Variants in RPS6KA4 observed in about 807,000 individuals in gnomAD.
The protein encoded by RPS6KA4 is ribosomal protein S6 kinase alpha-4.
In RPS6KA4, 38 loss-of-function variants were observed where a neutral mutation model predicts 89.6. That is an observed-to-expected ratio of 0.42 (90% confidence interval 0.33 to 0.56). The LOEUF (loss-of-function observed/expected upper bound fraction) is 0.56. RPS6KA4 is among the 20% of genes least tolerant of loss of function. The pLI is 0.07. For missense variants in RPS6KA4, 873 were observed against 1,098.8 expected (o/e 0.79, Z 2.90); for synonymous variants, 495 against 492.8 (o/e 1.00, Z -0.06).
chr11:64,368,632 G>T (rs754724960), intron 11 of RPS6KA4, 31 bp downstream of exon 11: 1 of 1,583,338 alleles, frequency 6.3e-7, no homozygotes, highest in Admixed American at 1.8e-5. Context: ...GCAGGGGTGG[G>T]GGTGGCAGAG....
Position 64,361,949 on chromosome 11 carries a change from T to A in RPS6KA4, c.853T>A (p.Leu285Met). The change falls in exon 8 of 17, where the codon TTG (leucine) becomes ATG (methionine). Residue 285 changes from leucine to methionine, a missense_variant. Transcript: ENST00000334205. The surrounding 1 kb of genome is among the most constrained non-coding windows in gnomAD (Gnocchi z 4.7). ...GCTTTGTAAGGATCCTAAGAAGCGATTGGGCGCGGGGCCCCAGGGGGCACA... is the reference window on the plus strand; with the variant it reads ...GCTTTGTAAGGATCCTAAGAAGCGAATGGGCGCGGGGCCCCAGGGGGCACA... ...RLLCKDPKKR[L>M]GAGPQGAQEV... is the part of the protein sequence containing the mutation. 2.5e-6 allele frequency: 4 copies of A among 1,610,598 alleles called. No individual in the cohort carries two copies. Among genetic ancestry groups the A allele is most frequent in the Non-Finnish European group, 3.4e-6 (4 of 1,179,068 alleles).
At chr11:64,367,048 G>A (rs538870895) in intron 9 of RPS6KA4, among the ~76,000 whole-genome samples, 24 of 152,286 alleles carry the variant, frequency 1.6e-4, no homozygotes, top group African/African-American at 5.8e-4. Context: ...ATTCAAAAAT[G>A]TGTAGTGAGT....
At chr11:64,362,050 G>A in intron 8 of RPS6KA4, 48 bp downstream of exon 8, 2 of 1,563,344 alleles carry the variant, frequency 1.3e-6, no homozygotes, top group Non-Finnish European at 1.7e-6. Flanking sequence ...ACCCAGGTGG[G>A]GCTGCTGTTC....
intron 9 of RPS6KA4, 31 bp from the exon 10 acceptor site, chr11:64,368,101 C>G: frequency 6.2e-7 from 1 of 1,611,078 alleles, no homozygotes; most frequent in Admixed American, 1.7e-5. Context: ...CCCCCATGCC[C>G]ATGCCCATTC....
In RPS6KA4 at chr11:64,371,302, G is replaced by T; in HGVS notation, c.2141G>T (p.Arg714Leu). The T allele has an allele frequency of 6.2e-7, 1 of 1,612,780 alleles. No individual in the cohort carries two copies. The highest frequency in any genetic ancestry group is 8.5e-7 in the Non-Finnish European group (1 of 1,179,874). ...TGCCAGGCATTCAACCGGGGCAAGCGGGAGGGCTTCTTCCTGAAGAGCGTG... is the reference window on the plus strand; with the variant it reads ...TGCCAGGCATTCAACCGGGGCAAGCTGGAGGGCTTCTTCCTGAAGAGCGTG... Reference protein sequence around the residue: ...ATFMAFNRGKREGFFLKSVEN... With the variant: ...ATFMAFNRGKLEGFFLKSVEN... Residue 714 changes from arginine to leucine, a missense_variant, in exon 17 of 17, where the codon CGG (arginine) becomes CTG (leucine). By Grantham distance (102) the Arg-to-Leu change is moderately radical. This residue lies in a region of RPS6KA4 where 278 missense variants were observed against 284.8 expected (regional missense o/e 0.98). Coordinates refer to ENST00000334205, the MANE Select transcript of RPS6KA4 (RefSeq NM_003942.3).
At chr11:64,365,781 G>A (rs538546905) in intron 9 of RPS6KA4, among the ~76,000 whole-genome samples, 20 of 152,318 alleles carry the variant, frequency 1.3e-4, no homozygotes, top group African/African-American at 4.8e-4. Flanking sequence ...GCTCACACCT[G>A]TAATCCCAGC....
At chr11:64,368,671 G>A (rs368521849) in intron 11 of RPS6KA4, 33 bp from the exon 12 acceptor site, 243 of 1,572,908 alleles carry the variant, frequency 1.5e-4, no homozygotes, top group Non-Finnish European at 1.9e-4. Context: ...GCCGAAGCGC[G>A]GCGACCGTAA....
At position 64,368,155 on chromosome 11, in the gene RPS6KA4, C is replaced by T; in HGVS notation, c.1095C>T (p.Ser365=). 6.2e-7 allele frequency: 1 copy of T among 1,613,736 alleles called. No individual in the cohort carries two copies. Among genetic ancestry groups the T allele is most frequent in the Non-Finnish European group, 8.5e-7 (1 of 1,180,020 alleles). The change falls in exon 10 of 17, where the codon TCC becomes TCT. Residue 365 remains serine, a synonymous_variant. Transcript: ENST00000334205. ...IFQGYSFVAP[S]ILFDHNNAVM... Reference sequence around the variant, plus strand: ...AGGGATACTCCTTTGTGGCACCCTCCATTCTCTTTGACCACAACAACGCGG... The same window carrying T: ...AGGGATACTCCTTTGTGGCACCCTCTATTCTCTTTGACCACAACAACGCGG...
At position 64,369,857 on chromosome 11, in the gene RPS6KA4, C is replaced by G; in HGVS notation, c.1761C>G (p.Asp587Glu). The G allele has an allele frequency of 1.3e-6, 2 of 1,566,846 alleles. No individual in the cohort carries two copies. The highest frequency in any genetic ancestry group is 1.4e-5 in the African/African-American group (1 of 73,802). Residue 587 changes from aspartate to glutamate, a missense_variant, in exon 14 of 17, where the codon GAC becomes GAG. By Grantham distance (45) the Asp-to-Glu change is conservative (BLOSUM62 2). Around this residue, in one of 4 missense-constraint regions of RPS6KA4, gnomAD observed 278 missense variants for 284.8 expected, o/e 0.98. Transcript: ENST00000334205. ...AGCTGCTGGCGCAGCAGGGCTACGA[C>G]GAGTCCTGCGACCTCTGGAGCCTGG... is the stretch of plus-strand genomic sequence containing the variant. ...APELLAQQGY[D>E]ESCDLWSLGV...
rs202119100 is a variant in RPS6KA4 at position 64,362,020 on chromosome 11, C to A, written c.906+18C>A. 25 of 1,602,002 alleles carry A rather than the reference C, an allele frequency of 1.6e-5. No individual in the cohort carries two copies. In the East Asian group the frequency reaches 5.0e-4, roughly 32 times the overall value. The stretch of plus-strand genomic sequence containing the variant: ...TCTTCCAGGTGAGGCTGACTCAGGG[C>A]CCCATACCTCCTGGTGCATACCCAG... On this transcript the variant is annotated intron_variant, in intron 8 of 16. Coordinates refer to ENST00000334205, the MANE Select transcript of RPS6KA4 (RefSeq NM_003942.3).
Position 64,370,262 on chromosome 11 carries a change from C to T in RPS6KA4, c.1835C>T (p.Ala612Val). ...MLSGQVPFQG[A>V]SGQGGQSQAA... ...TCGGGGCAGGTCCCCTTCCAGGGGG[C>T]CTCTGGCCAGGGCGGGCAGAGCCAG... The change falls in exon 15 of 17, where the codon GCC becomes GTC. Residue 612 changes from alanine (A) to valine (V), a missense_variant. Coordinates refer to ENST00000334205, the MANE Select transcript of RPS6KA4 (RefSeq NM_003942.3). The surrounding 1 kb of genome is among the most constrained non-coding windows in gnomAD (Gnocchi z 4.1). The T allele has an allele frequency of 1.3e-6, 2 of 1,577,560 alleles. No homozygotes were observed. Among genetic ancestry groups the T allele is most frequent in the East Asian group, 2.2e-5 (1 of 44,476 alleles).
Position 64,371,637 on chromosome 11 carries a change from A to G in RPS6KA4, c.*157A>G, listed in dbSNP as rs2135351219. The G allele has an allele frequency of 1.9e-6, 1 of 526,880 alleles. No individual in the cohort carries two copies. Among genetic ancestry groups the G allele is most frequent in the East Asian group, 3.3e-5 (1 of 30,672 alleles). The allele number at this position is 526,880 out of a possible 1,614,324, so 32.6% of individuals were successfully genotyped here. ...CCAGACAGAGCAGAAGTATTTTTAT[A>G]AGCAGAGAATTTTTTATGTCTTACC... On this transcript the variant is annotated 3_prime_UTR_variant, in exon 17 of 17. Coordinates refer to ENST00000334205, the MANE Select transcript of RPS6KA4 (RefSeq NM_003942.3).
At position 64,361,539 on chromosome 11, in the gene RPS6KA4, G is replaced by A; in HGVS notation, c.641G>A (p.Gly214Glu). 1 of 1,614,126 alleles carries A rather than the reference G, an allele frequency of 6.2e-7. No homozygotes were observed. The highest frequency in any genetic ancestry group is 8.5e-7 in the Non-Finnish European group (1 of 1,180,026). ...MAPEIIRSKT[G>E]HGKAVDWWSL... ...CCCGAAATCATCCGTAGCAAGACGGGGCATGGCAAGGTAGGTTGGCAGGGA... is the reference window on the plus strand; with the variant it reads ...CCCGAAATCATCCGTAGCAAGACGGAGCATGGCAAGGTAGGTTGGCAGGGA... The change falls in exon 6 of 17, where the codon GGG (glycine) becomes GAG (glutamate). Residue 214 changes from glycine to glutamate, a missense_variant. By Grantham distance (98) the Gly-to-Glu change is moderately conservative (BLOSUM62 -2). This residue lies in a region of RPS6KA4 where 542 missense variants were observed against 736.4 expected (regional missense o/e 0.74). Transcript: ENST00000334205. The surrounding 1 kb of genome is among the most constrained non-coding windows in gnomAD (Gnocchi z 4.7).
chr11:64,359,714 C>T, intron 2 of RPS6KA4: 1 of 561,250 alleles, frequency 1.8e-6, no homozygotes. Flanking sequence ...GACTGGCGCC[C>T]CTCTCAAGTG....
Position 64,370,960 on chromosome 11 carries a change from CG to C in RPS6KA4, c.2121+237del, listed in dbSNP as rs2037052642. Among the ~76,000 whole-genome samples, 1 of 151,940 alleles carries C rather than the reference CG, an allele frequency of 6.6e-6. No individual in the cohort carries two copies. Among genetic ancestry groups the C allele is most frequent in the Admixed American group, 6.6e-5 (1 of 15,258 alleles). On this transcript the variant is annotated intron_variant, in intron 16 of 16. Coordinates refer to ENST00000334205, the MANE Select transcript of RPS6KA4 (RefSeq NM_003942.3). The surrounding 1 kb of genome is among the most constrained non-coding windows in gnomAD (Gnocchi z 4.1). Reference sequence around the variant, plus strand: ...CTCTTCTAAAAAGAGAAAAATTAGCCGGGTGTGGTGGCGCGCGCCTGTAATC... The same window carrying C: ...CTCTTCTAAAAAGAGAAAAATTAGCCGGTGTGGTGGCGCGCGCCTGTAATC...
chr11:64,360,867 C>G, intron 4 of RPS6KA4: 1 of 572,806 alleles, frequency 1.7e-6, no homozygotes, highest in Non-Finnish European at 3.1e-6. Context: ...GGAAACCTCA[C>G]GGCCTGGCTC....
At position 64,359,218 on chromosome 11, in the gene RPS6KA4, C is replaced by G; in HGVS notation, c.-18C>G. The G allele has an allele frequency of 7.5e-7, 1 of 1,340,120 alleles. No individual in the cohort carries two copies. Among genetic ancestry groups the G allele is most frequent in the East Asian group, 3.1e-5 (1 of 32,290 alleles). 83.0% of individuals were successfully genotyped at this position (1,340,120 alleles called of 1,614,324 possible). On this transcript the variant is annotated 5_prime_UTR_variant, in exon 1 of 17. Transcript: ENST00000334205. ...CGCCCGGAGCCCGAGCCGCGCGGGC[C>G]CCAGCGACCCGCCCGCCATGGGGGA...
rs56073814 is a variant in RPS6KA4, at chr11:64,361,897, C to T, written c.801C>T (p.Pro267=). 5.4e-5 allele frequency: 87 copies of T among 1,613,030 alleles called. 1 individual carries two copies. In the East Asian group the frequency reaches 6.0e-4, roughly 11 times the overall value. ...CSPPFPPRIG[P]VAQDLLQRLL... is the part of the protein sequence containing the mutation. ...CTCCCTTCCCCCCTCGGATCGGGCC[C>T]GTGGCGCAGGACCTGCTGCAGCGGC... The change falls in exon 8 of 17, where the codon CCC becomes CCT. Residue 267 remains proline (P), a synonymous_variant. Transcript: ENST00000334205. This position sits in a 1 kb window ranked among gnomAD's most constrained non-coding sequence, Gnocchi z 4.7.
At chr11:64,363,646 C>G (rs372137171) in intron 8 of RPS6KA4, among the ~76,000 whole-genome samples, 23 of 152,080 alleles carry the variant, frequency 1.5e-4, no homozygotes, top group African/African-American at 5.6e-4. Context: ...TGCGCACCAT[C>G]ATGGCCAGCT....
Sources: allele counts gnomAD v4.1 joint callset (sites outside exome capture counted in the v4.1 genomes callset), GRCh38; gene constraint gnomAD v4.1.1; regional missense constraint gnomAD v4.1.1; non-coding constraint Gnocchi (gnomAD v3.1); transcripts MANE v1.5; gene names NCBI Gene and HGNC (gene_info 2026-07-23, HGNC 2026-07-21).